Variants in UBR4 observed in about 807,000 individuals in gnomAD.
UBR4 encodes the protein ubiquitin protein ligase E3 component n-recognin 4.
Under a neutral mutation model 575.6 loss-of-function variants are expected in UBR4, and 124 were observed. The observed-to-expected ratio is 0.22, with a 90% confidence interval of 0.19 to 0.25. The LOEUF (loss-of-function observed/expected upper bound fraction) is 0.25. Among genes scored for constraint, UBR4 ranks in the 10% least tolerant of loss-of-function variants. The pLI, the probability that UBR4 is intolerant of heterozygous loss-of-function variation, is 1.00. For missense variants in UBR4, 4,818 were observed against 6,478.8 expected, an observed-to-expected ratio of 0.74 and a Z score of 8.80; for synonymous variants, 2,455 against 2,473.7, an observed-to-expected ratio of 0.99 and a Z score of 0.22.
At chr1:19,106,750 G>T in intron 82 of UBR4, 24 bp from the exon 83 acceptor site, 1 of 1,597,956 alleles carries the variant, frequency 6.3e-7, no homozygotes, top group East Asian at 2.2e-5. Flanking sequence ...GGTTGCAGGG[G>T]TAGTAGGTAA....
At position 19,152,490 on chromosome 1, in the gene UBR4, T is replaced by C; in HGVS notation, c.6833-14A>G. Reference sequence around the variant, plus strand: ...ACGTGCGGGTTGCTGCAGAGAACGGTACCAGATCGTCAAGAGTCTCTCCCA... The same window carrying C: ...ACGTGCGGGTTGCTGCAGAGAACGGCACCAGATCGTCAAGAGTCTCTCCCA... On this transcript the variant is annotated splice_polypyrimidine_tract_variant and intron_variant, in intron 46 of 105. Transcript: ENST00000375254. The surrounding 1 kb of genome is among the most constrained non-coding windows in gnomAD (Gnocchi z 4.4). 1.2e-6 allele frequency: 2 copies of C among 1,613,310 alleles called. No individual in the cohort carries two copies. Among genetic ancestry groups the C allele is most frequent in the South Asian group, 2.2e-5 (2 of 91,034 alleles).
Position 19,152,482 on chromosome 1 carries a change from G to A in UBR4, c.6833-6C>T. On this transcript the variant is annotated splice_polypyrimidine_tract_variant and splice_region_variant and intron_variant, in intron 46 of 105. Transcript: ENST00000375254. This position sits in a 1 kb window ranked among gnomAD's most constrained non-coding sequence, Gnocchi z 4.4. ...CTGGCTAGACGTGCGGGTTGCTGCA[G>A]AGAACGGTACCAGATCGTCAAGAGT... 14 of 1,613,700 alleles carry A rather than the reference G, an allele frequency of 8.7e-6. No homozygotes were observed. The highest frequency in any genetic ancestry group is 1.2e-5 in the Non-Finnish European group (14 of 1,179,834).
At chr1:19,172,663 A>G (rs1173701616) in intron 25 of UBR4, among the ~76,000 whole-genome samples, 5 of 152,240 alleles carry the variant, frequency 3.3e-5, no homozygotes, top group South Asian at 2.1e-4. Context: ...AATTATAGAC[A>G]TTAAACTTCC....
At chr1:19,085,934 T>G (rs2076971444) in intron 101 of UBR4, among the ~76,000 whole-genome samples, 1 of 152,128 alleles carries the variant, frequency 6.6e-6, no homozygotes, top group South Asian at 2.1e-4. Flanking sequence ...CCTCCCACCC[T>G]GTGGTGGGCC....
chr1:19,098,860 T>C (rs1324117315), intron 90 of UBR4, among the ~76,000 whole-genome samples: 1 of 152,172 alleles, frequency 6.6e-6, no homozygotes, highest in African/African-American at 2.4e-5. Flanking sequence ...TTGCTGTAAT[T>C]AAGTTACTTA....
Position 19,186,660 on chromosome 1 carries a change from A to G in UBR4, c.1633-3T>C. 9 of 1,613,736 alleles carry G rather than the reference A, an allele frequency of 5.6e-6. No homozygotes were observed. The highest frequency in any genetic ancestry group is 7.6e-6 in the Non-Finnish European group (9 of 1,179,704). On this transcript the variant is annotated splice_polypyrimidine_tract_variant and splice_region_variant and intron_variant, in intron 13 of 105. Coordinates refer to ENST00000375254, the MANE Select transcript of UBR4 (RefSeq NM_020765.3). The stretch of plus-strand genomic sequence containing the variant: ...CTCTGCCGCTGCAGGACACATGCCT[A>G]GGAAAATGACAATTACAAAACCGGA...
rs939797432 is a variant in UBR4 at position 19,187,179 on chromosome 1, T to C, written c.1617A>G (p.Ser539=). ...TCCCACCCACCTTTCTGTAGGAAGT[T>C]GAAAGTAACGTCAAGAGCAGGTTCA... ...PLMNLLLTLL[S]TSYRKACVLQ... is the part of the protein sequence containing the mutation. The change falls in exon 13 of 106, where the codon TCA becomes TCG. Residue 539 remains serine, a synonymous_variant. Transcript: ENST00000375254. 1 of 1,609,894 alleles carries C rather than the reference T, an allele frequency of 6.2e-7. No homozygotes were observed. The highest frequency in any genetic ancestry group is 8.5e-7 in the Non-Finnish European group (1 of 1,177,496).
intron 68 of UBR4, among the ~76,000 whole-genome samples, chr1:19,120,968 A>C (rs1305586083): frequency 6.6e-6 from 1 of 152,200 alleles, no homozygotes; most frequent in Non-Finnish European, 1.5e-5. Flanking sequence ...GTGCACTTTG[A>C]CTTTTCTTAT....
rs2077308173 is a variant in UBR4, at chr1:19,089,425, C to T, written c.14212-448G>A. Among the ~76,000 whole-genome samples the T allele has an allele frequency of 6.6e-6, 1 of 152,136 alleles. No homozygotes were observed. The highest frequency in any genetic ancestry group is 1.9e-4 in the East Asian group (1 of 5,194). On this transcript the variant is annotated intron_variant, in intron 97 of 105. Transcript: ENST00000375254. This position sits in a 1 kb window ranked among gnomAD's most constrained non-coding sequence, Gnocchi z 4.3. ...ACCTGCCCTGAGTTCTCCACGGGAG[C>T]CCCTGGGTCCACCAAACCTAGGAGC...
intron 15 of UBR4, among the ~76,000 whole-genome samples, chr1:19,184,448 T>G (rs79813307): frequency 0.02 from 2,991 of 152,346 alleles, 41 homozygotes; most frequent in South Asian, 0.056. Flanking sequence ...CCAAATAGAC[T>G]GACCCATTTC....
chr1:19,096,923 G>A (rs1384863599), intron 91 of UBR4, among the ~76,000 whole-genome samples: 2 of 151,760 alleles, frequency 1.3e-5, no homozygotes, highest in Non-Finnish European at 2.9e-5. Context: ...GGGGGGAGAG[G>A]GAGTTAAAAA....
chr1:19,196,817 A>C (rs1216867008), intron 8 of UBR4, among the ~76,000 whole-genome samples: 1 of 152,212 alleles, frequency 6.6e-6, no homozygotes, highest in Non-Finnish European at 1.5e-5. Context: ...GCTCAGATGT[A>C]GGCTCCTTGA....
At position 19,168,178 on chromosome 1, in the gene UBR4, C is replaced by A; in HGVS notation, c.3748G>T (p.Ala1250Ser). 1.3e-6 allele frequency: 2 copies of A among 1,580,520 alleles called. No individual in the cohort carries two copies. Among genetic ancestry groups the A allele is most frequent in the East Asian group, 2.3e-5 (1 of 43,872 alleles). Residue 1250 changes from alanine to serine, a missense_variant, in exon 28 of 106, where the codon GCC becomes TCC. Ala to Ser is a moderately conservative substitution (Grantham distance 99, BLOSUM62 1). This residue lies in a region of UBR4 where 1,172 missense variants were observed against 1,259.7 expected (regional missense o/e 0.93). Coordinates refer to ENST00000375254, the MANE Select transcript of UBR4 (RefSeq NM_020765.3). ...EFPNIGSWRN[A>S]FANDTIPSES... ...GAAGGGATGGTGTCATTGGCAAAGG[C>A]ATTGCGCTGAAAGGAAGCAAAGCAG...
rs1421104802 is a variant in UBR4, at chr1:19,081,441, G to C, written c.15141C>G (p.Pro5047=). The C allele has an allele frequency of 3.7e-6, 6 of 1,613,934 alleles. No individual in the cohort carries two copies. The highest frequency in any genetic ancestry group is 5.1e-6 in the Non-Finnish European group (6 of 1,180,030). ...CACGTGTGGCTCTCCACTGCTCAGG[G>C]GGCAGGATGTGAAGGGCCAAGACTG... is the stretch of plus-strand genomic sequence containing the variant. The part of the protein sequence containing the change: ...YFTVLALHIL[P]PEQWRATRVE... The change falls in exon 103 of 106, where the codon CCC becomes CCG. Residue 5047 remains proline (P), a synonymous_variant. Coordinates refer to ENST00000375254, the MANE Select transcript of UBR4 (RefSeq NM_020765.3).
rs576118770 is a variant in UBR4 at position 19,089,627 on chromosome 1, A to G, written c.14212-650T>C. On this transcript the variant is annotated intron_variant, in intron 97 of 105. Transcript: ENST00000375254. The surrounding 1 kb of genome is among the most constrained non-coding windows in gnomAD (Gnocchi z 4.3). ...GGTGGAGAACATCAGAAGGCTAAAGACAGGTGTAGTTGGAAAAAGCACTCC... is the reference window on the plus strand; with the variant it reads ...GGTGGAGAACATCAGAAGGCTAAAGGCAGGTGTAGTTGGAAAAAGCACTCC... Among the ~76,000 whole-genome samples the G allele has an allele frequency of 6.6e-6, 1 of 152,370 alleles. No individual in the cohort carries two copies. Among genetic ancestry groups the G allele is most frequent in the Admixed American group, 6.5e-5 (1 of 15,310 alleles).
chr1:19,154,257 G>A (rs2086134893), intron 44 of UBR4, among the ~76,000 whole-genome samples: 1 of 152,212 alleles, frequency 6.6e-6, no homozygotes, highest in South Asian at 2.1e-4. Context: ...ATGACCCATT[G>A]TCCTATCAGG....
chr1:19,104,559 A>C, intron 86 of UBR4, 26 bp downstream of exon 86: 1 of 1,612,864 alleles, frequency 6.2e-7, no homozygotes. Context: ...AGGATGCCCT[A>C]AAGGAAGGTC....
chr1:19,091,685 T>C lies in UBR4; in HGVS notation c.14211+1134A>G, dbSNP rs1570340968. ...AATGCTGGCTAAGACGCAGAGAAAC[T>C]GGAGCAGCCATACATTTCCGGTGAA... On this transcript the variant is annotated intron_variant, in intron 97 of 105. Transcript: ENST00000375254. Among the ~76,000 whole-genome samples, 3 of 152,348 alleles carry C rather than the reference T, an allele frequency of 2.0e-5. No individual in the cohort carries two copies. The Middle Eastern group carries it at 0.01, about 518-fold the overall frequency.
chr1:19,112,558 C>T lies in UBR4; in HGVS notation c.11767G>A (p.Glu3923Lys), dbSNP rs2080022493. 1 of 1,613,706 alleles carries T rather than the reference C, an allele frequency of 6.2e-7. No individual in the cohort carries two copies. Among genetic ancestry groups the T allele is most frequent in the East Asian group, 2.2e-5 (1 of 44,878 alleles). ...NLRRGAAAMR[E>K]EVRQLMCLLT... ...AGGCACATGAGCTGGCGGACCTCCT[C>T]CCGCATGGCCGCAGCCCCTCGGCGA... The change falls in exon 78 of 106, where the codon GAG (glutamate) becomes AAG (lysine). Residue 3923 changes from glutamate to lysine, a missense_variant. By Grantham distance (56) the Glu-to-Lys change is moderately conservative. This residue lies in a region of UBR4 where 333 missense variants were observed against 459.2 expected (regional missense o/e 0.73). Coordinates refer to ENST00000375254, the MANE Select transcript of UBR4 (RefSeq NM_020765.3).
Sources: gnomAD v4.1 joint callset for allele counts (sites outside exome capture counted in the v4.1 genomes callset) on GRCh38, gnomAD v4.1.1 for gene constraint, gnomAD v4.1.1 regional missense constraint, Gnocchi (gnomAD v3.1) non-coding constraint, MANE v1.5 for transcripts, NCBI Gene and HGNC (gene_info 2026-07-23, HGNC 2026-07-21) for gene names.